FYB1: variants seen among roughly 807,000 people sequenced by gnomAD.
FYB1 encodes the protein FYN binding protein 1, also known as FYN-binding protein 1.
A neutral mutation model predicts 94.1 loss-of-function variants in FYB1; 41 were observed. The ratio of observed to expected loss-of-function variants is 0.44; its 90% CI spans 0.34 to 0.57. FYB1 has a LOEUF of 0.57. Ranked by LOEUF, FYB1 falls within the 20% of genes least tolerant of loss-of-function variation. FYB1 has a pLI of 0.02. For synonymous variants in FYB1, 367 were observed against 353.2 expected, an observed-to-expected ratio of 1.04 and a Z score of -0.44; for missense variants, 1,050 against 976.8, an observed-to-expected ratio of 1.07 and a Z score of -1.00.
rs1056701397 is a variant in FYB1, at chr5:39,244,977, G to A, written c.-28+29426C>T. On this transcript the variant is annotated intron_variant, in intron 1 of 1. Coordinates refer to the FYB1 transcript ENST00000510188. ...TGGTAGTTTGTATTTCTGTGGGATC[G>A]GTGGTGATATCCCCTTTATCATTTT... 8.5e-5 allele frequency among the ~76,000 whole-genome samples: 13 copies of A among 152,102 alleles called. No homozygotes were observed. In the East Asian group the frequency reaches 9.6e-4, roughly 11 times the overall value.
intron 16 of FYB1, among the ~76,000 whole-genome samples, chr5:39,113,247 T>C (rs1739228695): frequency 1.3e-5 from 2 of 152,088 alleles, no homozygotes; most frequent in African/African-American, 2.4e-5. Context: ...TTATAGGGAA[T>C]GTTAGTGAAA....
At chr5:39,134,812 C>T (rs376326035) in intron 8 of FYB1, 43 bp downstream of exon 8, 12 of 1,605,508 alleles carry the variant, frequency 7.5e-6, no homozygotes, top group African/African-American at 2.7e-5. Flanking sequence ...AATATTGCCT[C>T]GCAAAGAAAA....
intron 1 of FYB1, among the ~76,000 whole-genome samples, chr5:39,248,708 A>G (rs1291682749): frequency 6.6e-6 from 1 of 152,034 alleles, no homozygotes; most frequent in Non-Finnish European, 1.5e-5. Context: ...ATGATGGTGC[A>G]CCCCTCTAAT....
At chr5:39,187,627 C>T (rs546649988) in intron 2 of FYB1, among the ~76,000 whole-genome samples, 1 of 152,242 alleles carries the variant, frequency 6.6e-6, no homozygotes, top group South Asian at 2.1e-4. Flanking sequence ...TCAGTTTGGG[C>T]AGGTGGGAAG....
At chr5:39,259,898 G>T (rs1252578114) in intron 1 of FYB1, among the ~76,000 whole-genome samples, 2 of 152,190 alleles carry the variant, frequency 1.3e-5, no homozygotes, top group Non-Finnish European at 2.9e-5. Flanking sequence ...TTCCTGGTCT[G>T]TCTGGAATTG....
intron 1 of FYB1, among the ~76,000 whole-genome samples, chr5:39,257,701 C>T (rs1435871000): frequency 4.6e-5 from 7 of 152,010 alleles, no homozygotes; most frequent in Non-Finnish European, 1.0e-4. Context: ...TACCAATTTT[C>T]GCTTAGAATT....
At chr5:39,170,160 C>T in intron 2 of FYB1, 1 of 775,436 alleles carries the variant, frequency 1.3e-6, no homozygotes, top group Non-Finnish European at 2.3e-6. Context: ...CAGGTCAAGT[C>T]TGATATGTCA....
intron 2 of FYB1, 70 bp from the exon 3 acceptor site, chr5:39,153,674 A>T (rs1743466636): frequency 6.9e-7 from 1 of 1,442,624 alleles, no homozygotes; most frequent in Admixed American, 2.4e-5. Context: ...AATTGCAAAC[A>T]TAGTTGGCTA....
chr5:39,127,840 A>T lies in FYB1; in HGVS notation c.1841-33T>A, dbSNP rs1239000720. 3.2e-6 allele frequency: 5 copies of T among 1,566,892 alleles called. 1 individual carries two copies. The East Asian group carries it at 1.2e-4, about 36-fold the overall frequency. On this transcript the variant is annotated intron_variant, in intron 10 of 18. Coordinates refer to ENST00000512982, the MANE Select transcript of FYB1 (RefSeq NM_001465.6). ...TGGATTGGAGGAAAATCTTCTGTTAATTTTATAATTTGGCCATGTAATGCT... is the reference window on the plus strand; with the variant it reads ...TGGATTGGAGGAAAATCTTCTGTTATTTTTATAATTTGGCCATGTAATGCT...
intron 1 of FYB1, among the ~76,000 whole-genome samples, chr5:39,268,094 C>T (rs1490674280): frequency 6.6e-6 from 1 of 152,060 alleles, no homozygotes. Context: ...AAGTATATAA[C>T]ACTTATAAAA....
At chr5:39,247,568 G>C (rs866962488) in intron 1 of FYB1, among the ~76,000 whole-genome samples, 2 of 151,990 alleles carry the variant, frequency 1.3e-5, no homozygotes, top group South Asian at 4.2e-4. Flanking sequence ...AATTTAAAAA[G>C]AAAAATCTCA....
upstream of FYB1, chr5:39,219,578 C>T: frequency 1.0e-6 from 1 of 985,438 alleles, no homozygotes; most frequent in African/African-American, 1.7e-5. Flanking sequence ...CTTTCTGATG[C>T]CTGGCAGGGT....
At chr5:39,118,035 G>T (rs1036510995) in intron 16 of FYB1, among the ~76,000 whole-genome samples, 2 of 152,092 alleles carry the variant, frequency 1.3e-5, no homozygotes, top group East Asian at 3.9e-4. Context: ...AAGTAGCTGG[G>T]ACTACAAGGC....
rs1370827396 is a variant in FYB1 at position 39,185,525 on chromosome 5, A to AAT, written c.1135+16299_1135+16300dup. Reference sequence around the variant, plus strand: ...AGAAAAGATAACTGACTAAAAAAAAAATATATATATATATATGATATATAT... The same window carrying AAT: ...AGAAAAGATAACTGACTAAAAAAAAAATATATATATATATATATGATATATAT... On this transcript the variant is annotated intron_variant, in intron 2 of 18. Transcript: ENST00000512982. Among the ~76,000 whole-genome samples the AAT allele has an allele frequency of 7.3e-3, 997 of 137,268 alleles. 11 individuals are homozygous for AAT. The highest frequency in any genetic ancestry group is 0.027 in the African/African-American group (943 of 35,422). The allele number at this position is 137,268 out of a possible 152,430, so 90.1% of individuals were successfully genotyped here. A position where few individuals can be genotyped will look rare whatever the true frequency, so the allele number is the denominator to read the frequency against.
In FYB1 at chr5:39,134,977, G is replaced by C; in HGVS notation, c.1553C>G (p.Ala518Gly). Reference sequence around the variant, plus strand: ...CTTTCCTCCTTTGACATCACAACAAGCTTTTGCAAGATGGATGACTTGAAT... The same window carrying C: ...CTTTCCTCCTTTGACATCACAACAACCTTTTGCAAGATGGATGACTTGAAT... ...GPIQVIHLAK[A>G]CCDVKGGKNE... The change falls in exon 8 of 19, where the codon GCT (alanine) becomes GGT (glycine). Residue 518 changes from alanine (A) to glycine (G), a missense_variant. By Grantham distance (60) the Ala-to-Gly change is moderately conservative (BLOSUM62 0). Coordinates refer to ENST00000512982, the MANE Select transcript of FYB1 (RefSeq NM_001465.6). 1 of 1,613,810 alleles carries C rather than the reference G, an allele frequency of 6.2e-7. No homozygotes were observed. The highest frequency in any genetic ancestry group is 8.5e-7 in the Non-Finnish European group (1 of 1,179,834).
chr5:39,108,148 A>C, intron 18 of FYB1, 83 bp downstream of exon 18: 1 of 1,289,512 alleles, frequency 7.8e-7, no homozygotes, highest in Non-Finnish European at 1.1e-6. Flanking sequence ...GGAAGTCTCT[A>C]ATCCAACAAG....
rs989097684 is a variant in FYB1 at position 39,209,390 on chromosome 5, G to T, written c.-27-6403C>A. Among the ~76,000 whole-genome samples the T allele has an allele frequency of 3.6e-4, 54 of 150,940 alleles. 1 individual carries two copies. The highest frequency in any genetic ancestry group is 1.2e-3 in the African/African-American group (51 of 41,004). On this transcript the variant is annotated intron_variant, in intron 1 of 18. Coordinates refer to ENST00000512982, the MANE Select transcript of FYB1 (RefSeq NM_001465.6). ...CACCCAGGCTGGAGTGCAGTAGCGC[G>T]ATCTTGGCTCACTGCAATCTCTGCC...
At chr5:39,266,965 G>A (rs868197055) in intron 1 of FYB1, among the ~76,000 whole-genome samples, 1 of 152,084 alleles carries the variant, frequency 6.6e-6, no homozygotes, top group Non-Finnish European at 1.5e-5. Context: ...TTTCTGAGAC[G>A]TAACAAAATG....
rs776659469 is a variant in FYB1, at chr5:39,202,746, T to C, written c.215A>G (p.Glu72Gly). 2 of 1,613,972 alleles carry C rather than the reference T, an allele frequency of 1.2e-6. No individual in the cohort carries two copies. The highest frequency in any genetic ancestry group is 1.1e-5 in the South Asian group (1 of 91,076). ...PPVAVKPSSE[E>G]KPDKEPKPPF... ...GGGCTTGGGTTCCTTGTCAGGCTTT[T>C]CCTCAGAAGAAGGTTTGACTGCCAC... is the stretch of plus-strand genomic sequence containing the variant. The change falls in exon 2 of 19, where the codon GAA (glutamate) becomes GGA (glycine). Residue 72 changes from glutamate to glycine, a missense_variant. By Grantham distance (98) the Glu-to-Gly change is moderately conservative. Coordinates refer to ENST00000512982, the MANE Select transcript of FYB1 (RefSeq NM_001465.6).
Sources: gnomAD v4.1 joint callset for allele counts (sites outside exome capture counted in the v4.1 genomes callset) on GRCh38, gnomAD v4.1.1 for gene constraint, MANE v1.5 for transcripts, NCBI Gene and HGNC (gene_info 2026-07-23, HGNC 2026-07-21) for gene names.